The following STK4 variants were observed in gnomAD, a reference collection of about 807,000 sequenced individuals.
The protein encoded by STK4 is serine/threonine-protein kinase 4.
A neutral mutation model predicts 64.9 loss-of-function variants in STK4; 30 were observed. That is an observed-to-expected ratio of 0.46 (90% CI 0.35 to 0.63). The LOEUF (loss-of-function observed/expected upper bound fraction) is 0.63. Among genes scored for constraint, STK4 ranks in the 20% least tolerant of loss-of-function variants. STK4 has a pLI of 0.01. For synonymous variants in STK4, 177 were observed against 199.0 expected (o/e 0.89, Z 0.93); for missense variants, 466 against 598.5 (o/e 0.78, Z 2.31).
intron 10 of STK4, among the ~76,000 whole-genome samples, chr20:45,058,326 G>A (rs2145453593): frequency 6.6e-6 from 1 of 152,170 alleles, no homozygotes; most frequent in East Asian, 1.9e-4. Flanking sequence ...GGCTTACAGA[G>A]TGTTATATAC....
At chr20:45,026,068 TG>T (rs1447209845) in intron 10 of STK4, among the ~76,000 whole-genome samples, 1 of 142,944 alleles carries the variant, frequency 7.0e-6, no homozygotes, top group Non-Finnish European at 1.5e-5. Context: ...ACTGAACCCA[TG>T]ATAGAACCCA....
At chr20:45,031,490 A>G (rs1295590437) in intron 10 of STK4, among the ~76,000 whole-genome samples, 1 of 152,238 alleles carries the variant, frequency 6.6e-6, no homozygotes, top group Non-Finnish European at 1.5e-5. Context: ...ATTCCGGCTA[A>G]ATGCTGTTTA....
intron 9 of STK4, among the ~76,000 whole-genome samples, chr20:45,020,472 T>G (rs2868220): frequency 3.6e-3 from 177 of 49,532 alleles, no homozygotes; most frequent in African/African-American, 0.018. Flanking sequence ...GTGTGTATGT[T>G]TATGTTTATG....
intron 2 of STK4, among the ~76,000 whole-genome samples, chr20:44,976,622 A>G (rs2067342078): frequency 6.6e-6 from 1 of 152,226 alleles, no homozygotes; most frequent in Non-Finnish European, 1.5e-5. Flanking sequence ...ATCCAACCAA[A>G]CTATCATTCT....
intron 7 of STK4, among the ~76,000 whole-genome samples, chr20:44,998,486 G>A (rs34131103): frequency 0.25 from 38,659 of 151,984 alleles, 5,611 homozygotes; most frequent in Middle Eastern, 0.43. Flanking sequence ...TAGGCCAACC[G>A]TTTGCAGTCA....
At chr20:44,977,186 A>G (rs942545576) in intron 2 of STK4, among the ~76,000 whole-genome samples, 20 of 152,212 alleles carry the variant, frequency 1.3e-4, no homozygotes, top group African/African-American at 4.8e-4. Context: ...CTCTGGCAAA[A>G]AGTATTTGGT....
chr20:45,045,846 G>A (rs1004851770), intron 10 of STK4, among the ~76,000 whole-genome samples: 2 of 151,422 alleles, frequency 1.3e-5, no homozygotes, highest in African/African-American at 4.9e-5. Flanking sequence ...TCGCTCTGTC[G>A]CCCAGGCTGG....
chr20:44,988,716 G>A (rs1253507091), intron 5 of STK4, among the ~76,000 whole-genome samples: 2 of 151,354 alleles, frequency 1.3e-5, no homozygotes, highest in African/African-American at 4.9e-5. Context: ...ACAAAATTGT[G>A]CAGCTATTGC....
chr20:45,030,583 C>T (rs1030731459), intron 10 of STK4, among the ~76,000 whole-genome samples: 3 of 152,146 alleles, frequency 2.0e-5, no homozygotes, highest in African/African-American at 7.2e-5. Context: ...GACAAAACTT[C>T]ATATTTTCAT....
chr20:45,029,293 G>C (rs1023874305), intron 10 of STK4, among the ~76,000 whole-genome samples: 1 of 152,086 alleles, frequency 6.6e-6, no homozygotes, highest in African/African-American at 2.4e-5. Flanking sequence ...TGTATTAACT[G>C]TCTGACCTGT....
chr20:45,006,411 T>C (rs2067946653), intron 9 of STK4, among the ~76,000 whole-genome samples: 1 of 152,036 alleles, frequency 6.6e-6, no homozygotes, highest in African/African-American at 2.4e-5. Context: ...GTCTTACAGA[T>C]TTTTTTCTGT....
At chr20:45,043,042 TC>T (rs1014743519) in intron 10 of STK4, among the ~76,000 whole-genome samples, 2 of 151,972 alleles carry the variant, frequency 1.3e-5, no homozygotes, top group Non-Finnish European at 2.9e-5. Flanking sequence ...TGTGTGTTGT[TC>T]CCCACCATGT....
intron 10 of STK4, among the ~76,000 whole-genome samples, chr20:45,062,989 CTTTTTTTTTTTTTTTTT>C (rs71197599): frequency 1.9e-4 from 6 of 31,454 alleles, no homozygotes; most frequent in African/African-American, 2.8e-4. Flanking sequence ...CGCACCCGGC[CTTTTTTTTTTTTTTTTT>C]TTTTTTTTTT....
chr20:45,077,885 T>C lies in STK4; in HGVS notation c.*2709T>C, dbSNP rs1044460433. 6.6e-6 allele frequency: 1 copy of C among 152,346 alleles called. No homozygotes were observed. The highest frequency in any genetic ancestry group is 1.5e-5 in the Non-Finnish European group (1 of 68,038). The allele number at this position is 152,346 out of a possible 1,614,324, so 9.4% of individuals were successfully genotyped here. A position where few individuals can be genotyped will look rare whatever the true frequency, so the allele number is the denominator to read the frequency against. Reference sequence around the variant, plus strand: ...CAGCTTGCTGATCCAACAAAGTCTATTGCTTACCAGTCTAGCTTGATGAAG... The same window carrying C: ...CAGCTTGCTGATCCAACAAAGTCTACTGCTTACCAGTCTAGCTTGATGAAG... On this transcript the variant is annotated 3_prime_UTR_variant, in exon 11 of 11. Coordinates refer to ENST00000372806, the MANE Select transcript of STK4 (RefSeq NM_006282.5).
At chr20:45,021,903 T>G (rs1261989498) in intron 9 of STK4, among the ~76,000 whole-genome samples, 1 of 152,224 alleles carries the variant, frequency 6.6e-6, no homozygotes, top group Non-Finnish European at 1.5e-5. Flanking sequence ...TGCCAAGTCA[T>G]AAAATCACGG....
intron 6 of STK4, among the ~76,000 whole-genome samples, chr20:44,996,335 C>G (rs573067315): frequency 6.6e-6 from 1 of 152,194 alleles, no homozygotes; most frequent in East Asian, 1.9e-4. Flanking sequence ...TAATACACCC[C>G]CCCGCCAACC....
intron 3 of STK4, among the ~76,000 whole-genome samples, chr20:44,978,964 A>T (rs1221990563): frequency 6.6e-6 from 1 of 151,820 alleles, no homozygotes; most frequent in African/African-American, 2.4e-5. Context: ...ACGCCCAGCT[A>T]ATATTTTTGT....
rs755753311 is a variant in STK4 at position 44,978,472 on chromosome 20, A to T, written c.146A>T (p.His49Leu). The T allele has an allele frequency of 6.2e-7, 1 of 1,614,148 alleles. No individual in the cohort carries two copies. Among genetic ancestry groups the T allele is most frequent in the South Asian group, 1.1e-5 (1 of 91,078 alleles). ...TATGGCAGCGTATACAAAGCTATTC[A>T]TAAAGAGACCGGCCAGATTGTTGCT... ...GSYGSVYKAI[H>L]KETGQIVAIK... The change falls in exon 3 of 11, where the codon CAT (histidine) becomes CTT (leucine). Residue 49 changes from histidine to leucine, a missense_variant. Transcript: ENST00000372806.
At chr20:45,058,462 G>A (rs993347456) in intron 10 of STK4, among the ~76,000 whole-genome samples, 4 of 152,134 alleles carry the variant, frequency 2.6e-5, no homozygotes, top group African/African-American at 9.7e-5. Flanking sequence ...CAAGTTTTCT[G>A]TAAGCATTCT....
Sources: gnomAD v4.1 joint callset for allele counts (sites outside exome capture counted in the v4.1 genomes callset) on GRCh38, gnomAD v4.1.1 for gene constraint, MANE v1.5 for transcripts, NCBI Gene and HGNC (gene_info 2026-07-23, HGNC 2026-07-21) for gene names.